The following TANC1 variants were observed in gnomAD, a reference collection of about 807,000 sequenced individuals.
The protein encoded by TANC1 is protein TANC1.
A neutral mutation model predicts 149.7 loss-of-function variants in TANC1; 77 were observed. The ratio of observed to expected loss-of-function variants is 0.51; its 90% CI spans 0.43 to 0.62. The LOEUF is 0.62. Ranked by LOEUF, TANC1 falls within the 20% of genes least tolerant of loss-of-function variation. The pLI is 0.00. For missense variants in TANC1, 1,985 were observed against 2,321.8 expected (o/e 0.85, Z 2.98); for synonymous variants, 854 against 925.0 (o/e 0.92, Z 1.39).
At chr2:159,054,768 A>T (rs1179255966) in intron 2 of TANC1, among the ~76,000 whole-genome samples, 2 of 152,194 alleles carry the variant, frequency 1.3e-5, no homozygotes, top group African/African-American at 4.8e-5. Flanking sequence ...GTAAAAGCTT[A>T]TCACGCATAC....
chr2:159,006,856 T>C (rs1249414630), intron 2 of TANC1, among the ~76,000 whole-genome samples: 1 of 152,218 alleles, frequency 6.6e-6, no homozygotes, highest in African/African-American at 2.4e-5. Context: ...TCTAAAAATA[T>C]TGGTGAGGTA....
At chr2:158,986,624 A>G (rs926888394) in intron 1 of TANC1, among the ~76,000 whole-genome samples, 2 of 152,122 alleles carry the variant, frequency 1.3e-5, no homozygotes, top group East Asian at 3.9e-4. Flanking sequence ...TGAGAGTGAG[A>G]CAGGTTCTCA....
At chr2:158,977,366 A>G (rs1055999558) in intron 1 of TANC1, among the ~76,000 whole-genome samples, 20 of 152,042 alleles carry the variant, frequency 1.3e-4, no homozygotes, top group African/African-American at 4.6e-4. Flanking sequence ...GTTGGAGTGC[A>G]GTGGTGCTGT....
chr2:159,137,256 G>A (rs954657231), intron 5 of TANC1, among the ~76,000 whole-genome samples: 14 of 152,168 alleles, frequency 9.2e-5, no homozygotes, highest in African/African-American at 3.4e-4. Context: ...ATGGCAGGGA[G>A]TGGGTAATAA....
intron 3 of TANC1, among the ~76,000 whole-genome samples, chr2:159,094,777 G>A (rs264632): frequency 6.7e-6 from 1 of 149,160 alleles, no homozygotes; most frequent in Non-Finnish European, 1.5e-5. Context: ...GTGTGTGTGG[G>A]GGGGGGGTGG....
chr2:159,012,517 A>G (rs1422770660), intron 2 of TANC1, among the ~76,000 whole-genome samples: 1 of 152,086 alleles, frequency 6.6e-6, no homozygotes, highest in Admixed American at 6.5e-5. Flanking sequence ...TGGCGGTTGA[A>G]GTCTCTGCCA....
intron 1 of TANC1, among the ~76,000 whole-genome samples, chr2:158,981,851 T>C (rs928406325): frequency 1.3e-4 from 20 of 151,950 alleles, no homozygotes; most frequent in Non-Finnish European, 2.9e-5. Context: ...CTACCTCTGC[T>C]TGATAAATTT....
At chr2:159,138,679 C>T (rs2051043138) in intron 5 of TANC1, among the ~76,000 whole-genome samples, 1 of 152,060 alleles carries the variant, frequency 6.6e-6, no homozygotes, top group Non-Finnish European at 1.5e-5. Context: ...TCTATATTTC[C>T]CTTGGACATT....
At chr2:159,225,377 T>G in intron 23 of TANC1, 1 of 435,018 alleles carries the variant, frequency 2.3e-6, no homozygotes, top group Non-Finnish European at 4.2e-6. Context: ...ACTGAGGAGG[T>G]TATGCTAAGG....
intron 15 of TANC1, 76 bp from the exon 16 acceptor site, chr2:159,186,826 A>G (rs535090364): frequency 6.3e-7 from 1 of 1,590,602 alleles, no homozygotes; most frequent in Non-Finnish European, 8.6e-7. Context: ...TTTCAGAGTG[A>G]CCCTGCAGGT....
At chr2:159,117,019 CA>C (rs1401800884) in intron 4 of TANC1, among the ~76,000 whole-genome samples, 1 of 152,196 alleles carries the variant, frequency 6.6e-6, no homozygotes, top group African/African-American at 2.4e-5. Context: ...TCGAAAGGTG[CA>C]GATGGCACAG....
rs529262689 is a variant in TANC1, at chr2:159,007,549, T to C, written c.-16+6360T>C. 1.4e-4 allele frequency among the ~76,000 whole-genome samples: 21 copies of C among 152,314 alleles called. No individual in the cohort carries two copies. The South Asian group carries it at 4.4e-3, about 32-fold the overall frequency. Reference sequence around the variant, plus strand: ...TTCACTACAGTAGCATGCTGTATGGTTTTGTATCCTAGGAGCAATAGTCTC... The same window carrying C: ...TTCACTACAGTAGCATGCTGTATGGCTTTGTATCCTAGGAGCAATAGTCTC... On this transcript the variant is annotated intron_variant, in intron 2 of 26. Coordinates refer to ENST00000263635, the MANE Select transcript of TANC1 (RefSeq NM_033394.3).
At chr2:159,212,782 G>T (rs545528549) in intron 19 of TANC1, among the ~76,000 whole-genome samples, 2 of 152,166 alleles carry the variant, frequency 1.3e-5, no homozygotes, top group South Asian at 2.1e-4. Flanking sequence ...TTAGCCAGGC[G>T]TGGTGGCACA....
At chr2:159,026,839 T>A (rs1187643249) in intron 2 of TANC1, among the ~76,000 whole-genome samples, 1 of 152,120 alleles carries the variant, frequency 6.6e-6, no homozygotes, top group East Asian at 1.9e-4. Flanking sequence ...CCTGGGTCCT[T>A]CTGAAACCAT....
intron 19 of TANC1, among the ~76,000 whole-genome samples, chr2:159,210,619 T>G (rs2058919666): frequency 6.6e-6 from 1 of 152,072 alleles, no homozygotes; most frequent in Non-Finnish European, 1.5e-5. Context: ...CAGGCTGGAG[T>G]GCAGTGGCGA....
intron 4 of TANC1, among the ~76,000 whole-genome samples, chr2:159,112,470 G>T (rs1052032477): frequency 5.9e-5 from 9 of 151,600 alleles, no homozygotes; most frequent in Non-Finnish European, 1.2e-4. Context: ...TGCCCAGGCT[G>T]GTGTCAAACT....
chr2:158,979,273 G>T (rs936595525), intron 1 of TANC1, among the ~76,000 whole-genome samples: 1 of 152,034 alleles, frequency 6.6e-6, no homozygotes, highest in Non-Finnish European at 1.5e-5. Context: ...AGGATCTCTT[G>T]AGCCAAGGAA....
At chr2:159,204,345 G>C (rs2058458882) in intron 19 of TANC1, among the ~76,000 whole-genome samples, 1 of 152,210 alleles carries the variant, frequency 6.6e-6, no homozygotes, top group Admixed American at 6.5e-5. Flanking sequence ...CTCAGACCAT[G>C]CTCTGTTGGA....
rs941368911 is a variant in TANC1 at position 158,994,551 on chromosome 2, G to A, written c.-125-6529G>A. On this transcript the variant is annotated intron_variant, in intron 1 of 26. Coordinates refer to ENST00000263635, the MANE Select transcript of TANC1 (RefSeq NM_033394.3). ...TTCCCCAAGTGCTGGGATTACAGAT[G>A]TGAGCCACCGCACCTGCCTAGGGTG... 1.6e-4 allele frequency among the ~76,000 whole-genome samples: 24 copies of A among 152,222 alleles called. 1 individual carries two copies.
Sources: allele counts gnomAD v4.1 joint callset (sites outside exome capture counted in the v4.1 genomes callset), GRCh38; gene constraint gnomAD v4.1.1; transcripts MANE v1.5; gene names NCBI Gene and HGNC (gene_info 2026-07-23, HGNC 2026-07-21).